Variants in TAB3 observed in about 807,000 individuals in gnomAD.
TAB3 encodes TGF-beta activated kinase 1 (MAP3K7) binding protein 3, also known as TGF-beta-activated kinase 1 and MAP3K7-binding protein 3.
Under a neutral mutation model 48.1 loss-of-function variants are expected in TAB3, and 18 were observed. The ratio of observed to expected loss-of-function variants is 0.37; its 90% CI spans 0.26 to 0.55. The LOEUF (loss-of-function observed/expected upper bound fraction) is 0.55, where lower values mean the gene tolerates loss of function less well. TAB3 is among the 20% of genes least tolerant of loss of function. TAB3 has a pLI of 0.78. For synonymous variants in TAB3, 185 were observed against 190.2 expected (o/e 0.97, Z 0.22); for missense variants, 414 against 549.8 (o/e 0.75, Z 2.47).
At chrX:30,886,221 A>C (rs1422250701) in intron 1 of TAB3, among the ~76,000 whole-genome samples, 1 of 112,231 alleles carries the variant, frequency 8.9e-6, no homozygotes, top group African/African-American at 3.2e-5. Flanking sequence ...AAATAAACTT[A>C]TAAGTAGATA....
intron 9 of TAB3, chrX:30,835,882 G>C (rs1280005029): frequency 8.9e-6 from 1 of 112,065 alleles, no homozygotes; most frequent in Non-Finnish European, 1.9e-5. Context: ...ATAACTCCAA[G>C]ACATTTATTT....
chrX:30,859,145 C>T (rs1189902707), intron 5 of TAB3, among the ~76,000 whole-genome samples: 1 of 111,435 alleles, frequency 9.0e-6, no homozygotes. Flanking sequence ...CTGTGGTTCT[C>T]AATGGTGGGA....
At chrX:30,883,490 G>C (rs1169735942) in intron 1 of TAB3, among the ~76,000 whole-genome samples, 2 of 111,525 alleles carry the variant, frequency 1.8e-5, no homozygotes, top group African/African-American at 6.5e-5. Context: ...CACTCTGAGT[G>C]GACAGTCCAT....
intron 4 of TAB3, among the ~76,000 whole-genome samples, chrX:30,860,277 A>G (rs1376504436): frequency 8.9e-6 from 1 of 112,417 alleles, no homozygotes; most frequent in African/African-American, 3.2e-5. Context: ...TGCAGCCATC[A>G]TAGTATAGAC....
chrX:30,852,984 A>G (rs760868442), intron 6 of TAB3, 46 bp from the exon 7 acceptor site: 2 of 1,172,707 alleles, frequency 1.7e-6, no homozygotes, highest in African/African-American at 3.5e-5. Context: ...ACATTGAACA[A>G]GCGACTGGAA....
chrX:30,844,064 T>G (rs955793232), intron 8 of TAB3: 3 of 110,381 alleles, frequency 2.7e-5, no homozygotes, highest in African/African-American at 9.9e-5. Flanking sequence ...TTTGCATCTA[T>G]TCTAAATGCT....
At chrX:30,848,652 A>G (rs958081416) in intron 7 of TAB3, among the ~76,000 whole-genome samples, 20 of 111,636 alleles carry the variant, frequency 1.8e-4, no homozygotes, top group Non-Finnish European at 3.2e-4. Flanking sequence ...CTGAGGGGGG[A>G]AAAAAAGCAG....
chrX:30,842,790 C>T (rs1036767182), intron 9 of TAB3, among the ~76,000 whole-genome samples, 176 bp downstream of exon 9: 4 of 111,428 alleles, frequency 3.6e-5, no homozygotes, highest in Non-Finnish European at 7.5e-5. Flanking sequence ...CACACCACTG[C>T]ACTCTAGCTG....
intron 7 of TAB3, among the ~76,000 whole-genome samples, chrX:30,847,528 A>G (rs1938669705): frequency 9.3e-6 from 1 of 108,030 alleles, no homozygotes; most frequent in Non-Finnish European, 1.9e-5. Flanking sequence ...ATATATATGT[A>G]TAGTAAAAAA....
chrX:30,829,378 T>C lies in TAB3; in HGVS notation c.*2049A>G, dbSNP rs1937963907. On this transcript the variant is annotated 3_prime_UTR_variant, in exon 11 of 11. Coordinates refer to ENST00000288422, the MANE Select transcript of TAB3 (RefSeq NM_152787.5). ...TTTAGCTAGGACACCAAGCAGTATA[T>C]ATATATATATTTCCCCTAAATTGTA... The C allele has an allele frequency of 8.9e-6, 1 of 111,948 alleles. No individual in the cohort carries two copies. The highest frequency in any genetic ancestry group is 3.7e-4 in the South Asian group (1 of 2,668). The allele number at this position is 111,948 out of a possible 1,213,427, so 9.2% of individuals were successfully genotyped here.
chrX:30,878,473 G>A (rs184699828), intron 1 of TAB3, among the ~76,000 whole-genome samples: 5 of 99,160 alleles, frequency 5.0e-5, no homozygotes, highest in Admixed American at 3.4e-4. Flanking sequence ...GCACACTCCA[G>A]CCTGGGCAAC....
In TAB3 at chrX:30,834,103, C is replaced by G; in HGVS notation, c.1938G>C (p.Val646=). ...GGATGTCTGCCTGTACTTTGGAGGT[C>G]ACGCTAATTCTTCGGGCTTTTCTCT... ...TIERKARRIS[V]TSKVQADIHD... The change falls in exon 10 of 11, where the codon GTG becomes GTC. Residue 646 remains valine (V), a synonymous_variant. Coordinates refer to ENST00000288422, the MANE Select transcript of TAB3 (RefSeq NM_152787.5). 1.7e-6 allele frequency: 2 copies of G among 1,211,483 alleles called. No homozygotes were observed. The highest frequency in any genetic ancestry group is 2.2e-6 in the Non-Finnish European group (2 of 895,479).
At chrX:30,877,617 G>C (rs1346572453) in intron 1 of TAB3, among the ~76,000 whole-genome samples, 1 of 111,142 alleles carries the variant, frequency 9.0e-6, no homozygotes, top group Non-Finnish European at 1.9e-5. Flanking sequence ...ATAAATGCTA[G>C]GGTAATCACA....
chrX:30,831,580 G>A lies in TAB3; in HGVS notation c.1991-5C>T, dbSNP rs202074143. 3.7e-4 allele frequency: 449 copies of A among 1,207,734 alleles called. 2 individuals carry two copies. Among genetic ancestry groups the A allele is most frequent in the Non-Finnish European group, 6.7e-5 (60 of 894,261 alleles). Reference sequence around the variant, plus strand: ...GTGTGGAGCCAGTTCGATGCTCTGAGGGAGGTTAGGATTAAGGGGGAGGGG... The same window carrying A: ...GTGTGGAGCCAGTTCGATGCTCTGAAGGAGGTTAGGATTAAGGGGGAGGGG... On this transcript the variant is annotated splice_region_variant and splice_polypyrimidine_tract_variant and intron_variant, in intron 10 of 10. Transcript: ENST00000288422.
chrX:30,863,182 G>A, intron 4 of TAB3, among the ~76,000 whole-genome samples: 1 of 111,893 alleles, frequency 8.9e-6, no homozygotes, highest in Non-Finnish European at 1.9e-5. Flanking sequence ...TCTTAATAGT[G>A]GTTAGCACTC....
At chrX:30,883,933 C>G (rs1343174700) in intron 1 of TAB3, among the ~76,000 whole-genome samples, 1 of 111,076 alleles carries the variant, frequency 9.0e-6, no homozygotes. Flanking sequence ...CTTTAGATAC[C>G]AAGATAACTG....
intron 9 of TAB3, among the ~76,000 whole-genome samples, chrX:30,841,309 G>A: frequency 9.0e-6 from 1 of 110,536 alleles, no homozygotes; most frequent in Non-Finnish European, 1.9e-5. Flanking sequence ...CAGCTACTTG[G>A]GAGGCTGAGA....
At chrX:30,865,345 T>C (rs770016099) in intron 4 of TAB3, among the ~76,000 whole-genome samples, 82 of 112,548 alleles carry the variant, frequency 7.3e-4, no homozygotes, top group African/African-American at 2.6e-3. Flanking sequence ...AGCCTTGTCT[T>C]GAGAGAACTT....
chrX:30,862,047 C>G (rs774271345), intron 4 of TAB3, among the ~76,000 whole-genome samples: 2 of 111,750 alleles, frequency 1.8e-5, no homozygotes, highest in Admixed American at 1.9e-4. Flanking sequence ...TAGGCGACTA[C>G]CTACAACTCT....
Sources: gnomAD v4.1 joint callset for allele counts (sites outside exome capture counted in the v4.1 genomes callset) on GRCh38, gnomAD v4.1.1 for gene constraint, MANE v1.5 for transcripts, NCBI Gene and HGNC (gene_info 2026-07-23, HGNC 2026-07-21) for gene names.